The following DAGLA variants were observed in gnomAD, a reference collection of about 807,000 sequenced individuals.
The protein encoded by DAGLA is diacylglycerol lipase-alpha.
DAGLA carries 22 observed loss-of-function variants against 102.6 expected under a neutral mutation model. The ratio of observed to expected loss-of-function variants is 0.21; its 90% CI spans 0.15 to 0.31. The LOEUF is 0.31. Ranked by LOEUF, DAGLA falls within the 10% of genes least tolerant of loss-of-function variation. The probability of loss-of-function intolerance (pLI) is 1.00; values close to 1 mark genes in which losing one functional copy is unlikely to be tolerated. For synonymous variants in DAGLA, 578 were observed against 628.9 expected (o/e 0.92, Z 1.21); for missense variants, 927 against 1,446.6 (o/e 0.64, Z 5.83).
chr11:61,697,917 C>T (rs1318007127), intron 1 of DAGLA, among the ~76,000 whole-genome samples: 1 of 152,124 alleles, frequency 6.6e-6, no homozygotes, highest in Non-Finnish European at 1.5e-5. Context: ...AGTGCCAGGG[C>T]CCTTTCTTGG....
Position 61,720,130 on chromosome 11 carries a change from A to C in DAGLA, c.-26A>C. 1 of 1,609,326 alleles carries C rather than the reference A, an allele frequency of 6.2e-7. No homozygotes were observed. The highest frequency in any genetic ancestry group is 8.5e-7 in the Non-Finnish European group (1 of 1,179,554). On this transcript the variant is annotated 5_prime_UTR_variant, in exon 2 of 20. Transcript: ENST00000257215. Reference sequence around the variant, plus strand: ...CTTTCAGGAGGTGAGCACCAGGCCCACTGAGCCTCTGCAGAGCCACCAGCC... The same window carrying C: ...CTTTCAGGAGGTGAGCACCAGGCCCCCTGAGCCTCTGCAGAGCCACCAGCC...
intron 1 of DAGLA, among the ~76,000 whole-genome samples, chr11:61,712,460 C>T (rs1457172217): frequency 6.6e-6 from 1 of 152,128 alleles, no homozygotes; most frequent in Non-Finnish European, 1.5e-5. Flanking sequence ...GGACAAATGT[C>T]AGTGGCCTCC....
At chr11:61,719,004 A>C (rs1310464406) in intron 1 of DAGLA, among the ~76,000 whole-genome samples, 1 of 152,186 alleles carries the variant, frequency 6.6e-6, no homozygotes, top group Non-Finnish European at 1.5e-5. Context: ...ACCAGGTGCC[A>C]TGTAAGCCTC....
chr11:61,733,771 C>T (rs931513759), intron 9 of DAGLA, among the ~76,000 whole-genome samples: 2 of 152,226 alleles, frequency 1.3e-5, no homozygotes, highest in African/African-American at 4.8e-5. Context: ...GCGGACAGCG[C>T]ATAGACAAGG....
intron 1 of DAGLA, among the ~76,000 whole-genome samples, chr11:61,692,113 T>C (rs1466844412): frequency 6.6e-6 from 1 of 152,182 alleles, no homozygotes; most frequent in Non-Finnish European, 1.5e-5. Context: ...TGACCCATAG[T>C]CAGTGCATTA....
intron 2 of DAGLA, 112 bp downstream of exon 2, chr11:61,720,362 GC>G: frequency 9.7e-7 from 1 of 1,027,100 alleles, no homozygotes; most frequent in South Asian, 1.4e-5. Flanking sequence ...ACCCTGTCAT[GC>G]CCCCAGCTGC....
At chr11:61,685,389 A>G (rs1466559421) in intron 1 of DAGLA, among the ~76,000 whole-genome samples, 1 of 152,208 alleles carries the variant, frequency 6.6e-6, no homozygotes, top group African/African-American at 2.4e-5. Context: ...GGAAGATGTA[A>G]TGGGTCTCAT....
At chr11:61,732,037 GCGCTCAGCC>G (rs1371944563) in intron 9 of DAGLA, among the ~76,000 whole-genome samples, 3 of 152,172 alleles carry the variant, frequency 2.0e-5, no homozygotes, top group African/African-American at 4.8e-5. Context: ...GCCTAGCTCT[GCGCTCAGCC>G]CACCGCTTGG....
At chr11:61,708,311 G>T (rs1383709451) in intron 1 of DAGLA, among the ~76,000 whole-genome samples, 1 of 149,594 alleles carries the variant, frequency 6.7e-6, no homozygotes, top group Non-Finnish European at 1.5e-5. Flanking sequence ...CCCGACTTGG[G>T]GGTTGATTTA....
chr11:61,721,393 CA>C (rs993838907), intron 3 of DAGLA, among the ~76,000 whole-genome samples: 3 of 150,472 alleles, frequency 2.0e-5, no homozygotes, highest in African/African-American at 7.3e-5. Context: ...GTCTCCATCT[CA>C]AAAAAAAAGA....
At chr11:61,728,766 G>A (rs1004455607) in intron 7 of DAGLA, among the ~76,000 whole-genome samples, 165 bp from the exon 8 acceptor site, 8 of 152,260 alleles carry the variant, frequency 5.3e-5, no homozygotes, top group African/African-American at 1.7e-4. Flanking sequence ...GGAAACCTCA[G>A]ATTTTGGAAA....
intron 1 of DAGLA, among the ~76,000 whole-genome samples, chr11:61,719,703 G>T (rs2065266154): frequency 6.6e-6 from 1 of 152,232 alleles, no homozygotes; most frequent in Admixed American, 6.5e-5. Flanking sequence ...GGTCTGGGAA[G>T]CCCCTCCCTT....
At position 61,735,648 on chromosome 11, in the gene DAGLA, C is replaced by G; in HGVS notation, c.1212+4C>G. ...CCGGGGGACCCTGTCCCCCAAGGTA[C>G]GCTGCCCATGGCTCCCAGCCCCCGG... is the stretch of plus-strand genomic sequence containing the variant. On this transcript the variant is annotated splice_donor_region_variant and intron_variant, in intron 11 of 19. Transcript: ENST00000257215. 5 of 1,613,920 alleles carry G rather than the reference C, an allele frequency of 3.1e-6. No individual in the cohort carries two copies. Among genetic ancestry groups the G allele is most frequent in the Non-Finnish European group, 4.2e-6 (5 of 1,179,842 alleles).
At chr11:61,690,604 G>A (rs984769089) in intron 1 of DAGLA, among the ~76,000 whole-genome samples, 4 of 152,166 alleles carry the variant, frequency 2.6e-5, no homozygotes, top group South Asian at 2.1e-4. Context: ...GGAAGCACTC[G>A]TTTCACAGCA....
Position 61,744,109 on chromosome 11 carries a change from A to G in DAGLA, c.2749A>G (p.Ile917Val), listed in dbSNP as rs749241641. The G allele has an allele frequency of 3.1e-6, 5 of 1,612,982 alleles. No homozygotes were observed. The highest frequency in any genetic ancestry group is 4.2e-6 in the Non-Finnish European group (5 of 1,179,982). ...SPQVLEFAEF[I>V]DSLFNLDSKS... ...TCAGGTGCTGGAATTCGCCGAGTTC[A>G]TCGACAGCCTCTTCAACCTGGACAG... Residue 917 changes from isoleucine (I) to valine (V), a missense_variant, in exon 20 of 20, where the codon ATC becomes GTC. Physicochemically the swap from Ile to Val is conservative, Grantham distance 29 (BLOSUM62 3). Around this residue, in one of 4 missense-constraint regions of DAGLA, gnomAD observed 434 missense variants for 503.3 expected, o/e 0.86. Coordinates refer to ENST00000257215, the MANE Select transcript of DAGLA (RefSeq NM_006133.3).
At chr11:61,699,044 A>G (rs1462681921) in intron 1 of DAGLA, among the ~76,000 whole-genome samples, 4 of 152,228 alleles carry the variant, frequency 2.6e-5, no homozygotes, top group Non-Finnish European at 5.9e-5. Flanking sequence ...AAAGCAGGAC[A>G]TGCTATGCAC....
In DAGLA at chr11:61,728,259, G is replaced by A. The variant is rs748974217; in HGVS notation, c.743G>A (p.Arg248Gln). Residue 248 changes from arginine (R) to glutamine (Q), a missense_variant, in exon 7 of 20, where the codon CGG becomes CAG. Arg to Gln is a conservative substitution (Grantham distance 43, BLOSUM62 1). Transcript: ENST00000257215. ...CTGGTGCTGCTCCGGCAGCGGCAGC[G>A]GGCCAAGCGCAACGCCGTGCTGGAC... ...AGLVLLRQRQRAKRNAVLDEA... is the reference protein window; with the variant it reads ...AGLVLLRQRQQAKRNAVLDEA... 6.6e-5 allele frequency: 107 copies of A among 1,613,204 alleles called. No homozygotes were observed. Among genetic ancestry groups the A allele is most frequent in the Non-Finnish European group, 8.3e-5 (98 of 1,180,006 alleles).
intron 1 of DAGLA, among the ~76,000 whole-genome samples, chr11:61,718,002 G>A (rs138998565): frequency 3.8e-4 from 58 of 152,350 alleles, no homozygotes; most frequent in Admixed American, 5.9e-4. Flanking sequence ...TGTGTGTTGG[G>A]TGGATGGTGT....
chr11:61,711,043 A>G (rs1249529674), intron 1 of DAGLA, among the ~76,000 whole-genome samples: 1 of 152,122 alleles, frequency 6.6e-6, no homozygotes, highest in African/African-American at 2.4e-5. Flanking sequence ...TTGGATGGCC[A>G]CCCCCTCCAA....
Sources: allele counts gnomAD v4.1 joint callset (sites outside exome capture counted in the v4.1 genomes callset), GRCh38; gene constraint gnomAD v4.1.1; regional missense constraint gnomAD v4.1.1; transcripts MANE v1.5; gene names NCBI Gene and HGNC (gene_info 2026-07-23, HGNC 2026-07-21).